The following PTPRT variants were observed in gnomAD, a reference collection of about 807,000 sequenced individuals.
PTPRT encodes the protein protein tyrosine phosphatase receptor type T.
A neutral mutation model predicts 176.8 loss-of-function variants in PTPRT; 56 were observed. The ratio of observed to expected loss-of-function variants is 0.32; its 90% CI spans 0.26 to 0.40. The LOEUF is 0.40. Among genes scored for constraint, PTPRT ranks in the 10% least tolerant of loss-of-function variants. PTPRT has a pLI of 1.00. For synonymous variants in PTPRT, 783 were observed against 739.0 expected, an observed-to-expected ratio of 1.06 and a Z score of -0.96; for missense variants, 1,540 against 1,908.2, an observed-to-expected ratio of 0.81 and a Z score of 3.60.
chr20:42,856,366 A>G (rs776936585), intron 2 of PTPRT, among the ~76,000 whole-genome samples: 6 of 152,180 alleles, frequency 3.9e-5, no homozygotes, highest in Non-Finnish European at 5.9e-5. Context: ...GGAAAAGTAC[A>G]AGACTTAAAG....
At chr20:43,044,035 A>C (rs2146218003) in intron 1 of PTPRT, among the ~76,000 whole-genome samples, 1 of 152,220 alleles carries the variant, frequency 6.6e-6, no homozygotes. Flanking sequence ...ACCCAGGAGA[A>C]GTGTCTGCGA....
chr20:42,350,214 G>GTTTTTTTTT lies in PTPRT; in HGVS notation c.1865+405_1865+413dup, dbSNP rs764181357. On this transcript the variant is annotated intron_variant, in intron 11 of 30. Transcript: ENST00000373187. ...TCAGGTCCTGATTAGGATGTTTCTTGTTTTTTTTTTTTTTTTTTTTTTTTT... is the reference window on the plus strand; with the variant it reads ...TCAGGTCCTGATTAGGATGTTTCTTGTTTTTTTTTTTTTTTTTTTTTTTTTTTTTTTTTT... Among the ~76,000 whole-genome samples the GTTTTTTTTT allele has an allele frequency of 3.1e-3, 178 of 58,270 alleles. 4 individuals are homozygous for GTTTTTTTTT. Among genetic ancestry groups the GTTTTTTTTT allele is most frequent in the Non-Finnish European group, 4.1e-3 (123 of 30,182 alleles). The allele number at this position is 58,270 out of a possible 152,430, so 38.2% of individuals were successfully genotyped here.
At chr20:42,510,079 C>A (rs985232248) in intron 7 of PTPRT, among the ~76,000 whole-genome samples, 1 of 152,104 alleles carries the variant, frequency 6.6e-6, no homozygotes, top group Non-Finnish European at 1.5e-5. Context: ...TAGTGCTGGG[C>A]ACACATCAAG....
chr20:42,614,658 A>G (rs1369026686), intron 7 of PTPRT, among the ~76,000 whole-genome samples: 2 of 152,288 alleles, frequency 1.3e-5, no homozygotes, highest in Non-Finnish European at 2.9e-5. Flanking sequence ...GGCCATCCCA[A>G]AAGAATGTTC....
intron 1 of PTPRT, among the ~76,000 whole-genome samples, chr20:42,931,753 C>T (rs553623142): frequency 1.3e-5 from 2 of 152,244 alleles, no homozygotes; most frequent in South Asian, 4.2e-4. Flanking sequence ...AAGTATTTGT[C>T]AAAGGATTGA....
At chr20:42,776,255 T>C (rs1021414190) in intron 4 of PTPRT, among the ~76,000 whole-genome samples, 4 of 152,236 alleles carry the variant, frequency 2.6e-5, no homozygotes, top group Admixed American at 6.5e-5. Context: ...TAATTTGTCA[T>C]GGTCTGAACT....
intron 1 of PTPRT, among the ~76,000 whole-genome samples, chr20:43,039,370 C>G (rs567589838): frequency 9.9e-4 from 149 of 150,070 alleles, no homozygotes; most frequent in East Asian, 5.7e-3. Flanking sequence ...AAAAAAACCA[C>G]AAAATCTCTA....
At chr20:42,090,601 G>A (rs1984513063) in intron 27 of PTPRT, among the ~76,000 whole-genome samples, 1 of 152,102 alleles carries the variant, frequency 6.6e-6, no homozygotes. Context: ...AACTGAGCTC[G>A]GCTCCCTGGC....
rs571534269 is a variant in PTPRT, at chr20:42,177,099, C to T, written c.2492-15557G>A. Among the ~76,000 whole-genome samples the T allele has an allele frequency of 3.9e-5, 6 of 152,318 alleles. No individual in the cohort carries two copies. The South Asian group carries it at 1.2e-3, about 32-fold the overall frequency. ...TGTGGACCTTAATTTTAAAACCAGG[C>T]AGCTGAATTAGACCAATGCTTCTCA... On this transcript the variant is annotated intron_variant, in intron 16 of 30. Transcript: ENST00000373187.
At chr20:42,342,009 C>G (rs1446186290) in intron 11 of PTPRT, among the ~76,000 whole-genome samples, 3 of 152,148 alleles carry the variant, frequency 2.0e-5, no homozygotes, top group Non-Finnish European at 4.4e-5. Context: ...TAAAAGGGGA[C>G]CTGAAATGCA....
At chr20:42,921,676 G>A (rs1020649822) in intron 1 of PTPRT, among the ~76,000 whole-genome samples, 3 of 152,152 alleles carry the variant, frequency 2.0e-5, no homozygotes, top group Non-Finnish European at 4.4e-5. Flanking sequence ...GCCTCAGAAC[G>A]AGACAAAAGG....
chr20:42,123,683 C>T (rs1987703818), intron 19 of PTPRT, among the ~76,000 whole-genome samples: 1 of 152,160 alleles, frequency 6.6e-6, no homozygotes, highest in Non-Finnish European at 1.5e-5. Context: ...GATCACATGT[C>T]CATCCAGAGG....
chr20:42,125,511 C>T (rs945545297), intron 19 of PTPRT, among the ~76,000 whole-genome samples: 1 of 152,172 alleles, frequency 6.6e-6, no homozygotes, highest in Non-Finnish European at 1.5e-5. Flanking sequence ...CCCTGTCTGC[C>T]TAACCTATTA....
At chr20:42,984,457 G>A (rs974954409) in intron 1 of PTPRT, among the ~76,000 whole-genome samples, 3 of 152,146 alleles carry the variant, frequency 2.0e-5, no homozygotes, top group Non-Finnish European at 4.4e-5. Context: ...TTCCAATAAA[G>A]ATAAGAGCTT....
the PTPRT span, among the ~76,000 whole-genome samples, chr20:42,058,160 T>C: frequency 6.6e-6 from 1 of 152,196 alleles, no homozygotes. Context: ...AGATGACCAA[T>C]GAGAGCACTA....
intron 7 of PTPRT, among the ~76,000 whole-genome samples, chr20:42,485,094 G>A (rs892740015): frequency 1.3e-5 from 2 of 152,214 alleles, no homozygotes; most frequent in Non-Finnish European, 2.9e-5. Context: ...GCAGCCTGAA[G>A]ACAGAGACTT....
At chr20:42,698,295 C>T (rs1275231051) in intron 6 of PTPRT, among the ~76,000 whole-genome samples, 1 of 152,118 alleles carries the variant, frequency 6.6e-6, no homozygotes, top group Non-Finnish European at 1.5e-5. Flanking sequence ...AGTTCCTTTA[C>T]AGACAAGAAG....
intron 7 of PTPRT, among the ~76,000 whole-genome samples, chr20:42,649,549 T>C (rs982389286): frequency 1.3e-5 from 2 of 152,172 alleles, no homozygotes; most frequent in African/African-American, 4.8e-5. Context: ...GCCAAGTTCA[T>C]GGAGGCACAC....
chr20:42,993,666 T>C (rs1177669952), intron 1 of PTPRT, among the ~76,000 whole-genome samples: 1 of 151,432 alleles, frequency 6.6e-6, no homozygotes, highest in Non-Finnish European at 1.5e-5. Flanking sequence ...AAAGAAAATA[T>C]TCTCGGTCCT....
Sources: allele counts gnomAD v4.1 joint callset (sites outside exome capture counted in the v4.1 genomes callset), GRCh38; gene constraint gnomAD v4.1.1; transcripts MANE v1.5; gene names NCBI Gene and HGNC (gene_info 2026-07-23, HGNC 2026-07-21).